The following STXBP5L variants were observed in gnomAD, a reference collection of about 807,000 sequenced individuals.
STXBP5L encodes syntaxin binding protein 5L.
In STXBP5L, 65 loss-of-function variants were observed where a neutral mutation model predicts 144.5. That is an observed-to-expected ratio of 0.45 (90% CI 0.37 to 0.55). STXBP5L has a LOEUF of 0.55. STXBP5L is among the 20% of genes least tolerant of loss of function. The pLI, the probability that STXBP5L is intolerant of heterozygous loss-of-function variation, is 0.00. For synonymous variants in STXBP5L, 505 were observed against 469.6 expected (o/e 1.08, Z -0.97); for missense variants, 1,298 against 1,405.5 (o/e 0.92, Z 1.22).
chr3:121,120,784 G>T (rs564894573), intron 6 of STXBP5L, among the ~76,000 whole-genome samples: 1 of 151,276 alleles, frequency 6.6e-6, no homozygotes, highest in African/African-American at 2.4e-5. Flanking sequence ...GTGTGCTTAA[G>T]AAAGAAACTG....
chr3:120,957,949 A>G (rs1371418269), intron 3 of STXBP5L, among the ~76,000 whole-genome samples: 2 of 152,192 alleles, frequency 1.3e-5, no homozygotes, highest in Non-Finnish European at 2.9e-5. Flanking sequence ...AAACCTTTCA[A>G]AAAATCAACG....
chr3:120,970,899 G>A (rs1460018370), intron 3 of STXBP5L, among the ~76,000 whole-genome samples: 2 of 152,106 alleles, frequency 1.3e-5, no homozygotes, highest in African/African-American at 4.8e-5. Context: ...GTCTGGGGAA[G>A]ACTTACAGTG....
intron 22 of STXBP5L, among the ~76,000 whole-genome samples, chr3:121,393,764 G>T (rs549607062): frequency 9.2e-5 from 14 of 151,968 alleles, no homozygotes; most frequent in African/African-American, 2.9e-4. Flanking sequence ...TTATTTCTGG[G>T]TCTTCTATTC....
chr3:121,010,246 T>C (rs1043695938), intron 3 of STXBP5L, among the ~76,000 whole-genome samples: 1 of 151,804 alleles, frequency 6.6e-6, no homozygotes, highest in African/African-American at 2.4e-5. Context: ...TATATATCTT[T>C]GGGGAAGGAG....
At chr3:121,103,021 G>T (rs982735204) in intron 5 of STXBP5L, among the ~76,000 whole-genome samples, 4 of 152,094 alleles carry the variant, frequency 2.6e-5, no homozygotes, top group African/African-American at 9.7e-5. Flanking sequence ...CTACCCATCA[G>T]AATGGCTATT....
At chr3:121,157,901 G>A in intron 9 of STXBP5L, 1 of 316,268 alleles carries the variant, frequency 3.2e-6, no homozygotes, top group Non-Finnish European at 5.7e-6. Flanking sequence ...TATATCTGGG[G>A]CAGAGGAGAT....
At chr3:121,267,303 A>T (rs1419606752) in intron 18 of STXBP5L, among the ~76,000 whole-genome samples, 1 of 152,252 alleles carries the variant, frequency 6.6e-6, no homozygotes, top group African/African-American at 2.4e-5. Context: ...GAAAACAAGC[A>T]ATGGTGAAAG....
chr3:121,058,781 G>A (rs1049953614), intron 5 of STXBP5L, among the ~76,000 whole-genome samples: 2 of 152,130 alleles, frequency 1.3e-5, no homozygotes, highest in African/African-American at 2.4e-5. Context: ...CTTCTTTTGA[G>A]GAGTGTCTGT....
intron 5 of STXBP5L, among the ~76,000 whole-genome samples, chr3:121,069,849 C>T (rs1001472117): frequency 1.3e-5 from 2 of 152,032 alleles, no homozygotes; most frequent in Admixed American, 6.6e-5. Context: ...TTGTTGAAGA[C>T]GATTTTTTCA....
intron 3 of STXBP5L, among the ~76,000 whole-genome samples, chr3:120,961,687 G>A (rs150670473): frequency 1.4e-4 from 22 of 152,240 alleles, no homozygotes; most frequent in African/African-American, 5.1e-4. Context: ...TGGACATTTG[G>A]GATGCTTCCA....
intron 2 of STXBP5L, among the ~76,000 whole-genome samples, chr3:120,935,682 A>T (rs1235987959): frequency 6.6e-6 from 1 of 152,084 alleles, no homozygotes; most frequent in African/African-American, 2.4e-5. Context: ...CACTTTAAAC[A>T]TATCACTTCA....
Position 121,420,882 on chromosome 3 carries a change from A to G in STXBP5L, c.*1785A>G, listed in dbSNP as rs531983917. 1 of 152,140 alleles carries G rather than the reference A, an allele frequency of 6.6e-6. No homozygotes were observed. The highest frequency in any genetic ancestry group is 1.5e-5 in the Non-Finnish European group (1 of 67,960). The allele number at this position is 152,140 out of a possible 1,614,324, so 9.4% of individuals were successfully genotyped here. The stretch of plus-strand genomic sequence containing the variant: ...CAATGTTCTCAGTAATTTTGAGGAG[A>G]ACAAAGATGAGTGAAAGAGTTAGAT... On this transcript the variant is annotated 3_prime_UTR_variant, in exon 27 of 27. Coordinates refer to ENST00000471454, the MANE Select transcript of STXBP5L (RefSeq NM_001308330.2).
chr3:121,264,407 C>T (rs1169203231), intron 18 of STXBP5L, among the ~76,000 whole-genome samples: 1 of 151,912 alleles, frequency 6.6e-6, no homozygotes, highest in African/African-American at 2.4e-5. Flanking sequence ...GTAAACATAC[C>T]CATTCTAAAG....
intron 9 of STXBP5L, among the ~76,000 whole-genome samples, chr3:121,162,833 A>G (rs2046370335): frequency 6.6e-6 from 1 of 152,242 alleles, no homozygotes; most frequent in South Asian, 2.1e-4. Flanking sequence ...GCTCATCATC[A>G]CTGGTCATTA....
At chr3:121,080,701 A>G (rs2042214755) in intron 5 of STXBP5L, among the ~76,000 whole-genome samples, 2 of 152,156 alleles carry the variant, frequency 1.3e-5, no homozygotes, top group African/African-American at 4.8e-5. Context: ...TCTGCTGACA[A>G]ATCTGCTGTT....
intron 3 of STXBP5L, among the ~76,000 whole-genome samples, chr3:120,981,710 A>C (rs546835833): frequency 2.0e-5 from 3 of 152,344 alleles, no homozygotes; most frequent in Admixed American, 2.0e-4. Context: ...ATTGCTAGAA[A>C]GCTGATGTGA....
chr3:120,992,058 T>C (rs991537746), intron 3 of STXBP5L, among the ~76,000 whole-genome samples: 1 of 152,216 alleles, frequency 6.6e-6, no homozygotes, highest in Non-Finnish European at 1.5e-5. Flanking sequence ...ACCTATGTCA[T>C]TGTATTTGAA....
chr3:120,955,104 T>A, intron 3 of STXBP5L, 67 bp downstream of exon 3: 1 of 1,133,958 alleles, frequency 8.8e-7, no homozygotes, highest in Non-Finnish European at 1.3e-6. Context: ...AATATTCAGG[T>A]AAGATAAATA....
intron 5 of STXBP5L, among the ~76,000 whole-genome samples, chr3:121,105,280 C>T (rs2043639454): frequency 6.6e-6 from 1 of 151,974 alleles, no homozygotes; most frequent in Non-Finnish European, 1.5e-5. Context: ...CCTGTAGTTC[C>T]AGCTACTTGG....
Sources: gnomAD v4.1 joint callset for allele counts (sites outside exome capture counted in the v4.1 genomes callset) on GRCh38, gnomAD v4.1.1 for gene constraint, MANE v1.5 for transcripts, NCBI Gene and HGNC (gene_info 2026-07-23, HGNC 2026-07-21) for gene names.